ATG7: variants seen among roughly 807,000 people sequenced by gnomAD.
ATG7 encodes ubiquitin-like modifier-activating enzyme ATG7.
Under a neutral mutation model 82.4 loss-of-function variants are expected in ATG7, and 70 were observed. That is an observed-to-expected ratio of 0.85 (90% confidence interval 0.70 to 1.04). The LOEUF (loss-of-function observed/expected upper bound fraction) is 1.04, where lower values mean the gene tolerates loss of function less well. Ranked by LOEUF, ATG7 falls within the 50% of genes least tolerant of loss-of-function variation. The probability of loss-of-function intolerance (pLI) is 0.00; values close to 1 mark genes in which losing one functional copy is unlikely to be tolerated. For synonymous variants in ATG7, 287 were observed against 313.0 expected, an observed-to-expected ratio of 0.92 and a Z score of 0.88; for missense variants, 792 against 864.3, an observed-to-expected ratio of 0.92 and a Z score of 1.05.
Position 11,439,364 on chromosome 3 carries a change from G to A in ATG7, c.2079+12438G>A, listed in dbSNP as rs145214602. On this transcript the variant is annotated intron_variant, in intron 20 of 20. Coordinates refer to ENST00000693202, the MANE Select transcript of ATG7 (RefSeq NM_001349232.2). ...GATTACAGGTGTGAGCCACTGCACC[G>A]GGCCTGAGCTCTTAGTCTTGATCCA... 3.9e-5 allele frequency among the ~76,000 whole-genome samples: 6 copies of A among 152,146 alleles called. No homozygotes were observed. In the East Asian group the frequency reaches 1.2e-3, roughly 29 times the overall value.
At chr3:11,545,078 C>G (rs2071161448) in intron 20 of ATG7, among the ~76,000 whole-genome samples, 1 of 152,274 alleles carries the variant, frequency 6.6e-6, no homozygotes, top group East Asian at 1.9e-4. Context: ...GCCAAAGAAG[C>G]CTGTGAAAAG....
Position 11,501,752 on chromosome 3 carries a change from C to T in ATG7, c.2080-53059C>T, listed in dbSNP as rs184779941. 3.7e-3 allele frequency among the ~76,000 whole-genome samples: 561 copies of T among 152,176 alleles called. 2 individuals carry two copies. The highest frequency in any genetic ancestry group is 0.013 in the African/African-American group (532 of 41,512). ...TTGCCCAGGCTGGAGTGCAGTGGTG[C>T]GATTGTGGCTCACTGCAGCCTTCGC... is the stretch of plus-strand genomic sequence containing the variant. On this transcript the variant is annotated intron_variant, in intron 20 of 20. Transcript: ENST00000693202.
intron 20 of ATG7, among the ~76,000 whole-genome samples, chr3:11,539,199 T>C (rs2070616532): frequency 6.6e-6 from 1 of 152,196 alleles, no homozygotes; most frequent in Admixed American, 6.5e-5. Context: ...GAGCACTTTA[T>C]GCCCACTAAC....
intron 5 of ATG7, among the ~76,000 whole-genome samples, chr3:11,304,329 C>A (rs572341895): frequency 7.2e-5 from 11 of 152,288 alleles, no homozygotes; most frequent in Admixed American, 2.6e-4. Flanking sequence ...TACAAGCGGT[C>A]TAAGCGCATG....
At chr3:11,570,978 C>T in the ATG7 span, among the ~76,000 whole-genome samples, 1 of 152,130 alleles carries the variant, frequency 6.6e-6, no homozygotes, top group African/African-American at 2.4e-5. Flanking sequence ...CTCCTCTGTG[C>T]CAATTTTAGA....
chr3:11,318,319 C>G (rs1010555146), intron 9 of ATG7, among the ~76,000 whole-genome samples: 1 of 152,210 alleles, frequency 6.6e-6, no homozygotes, highest in Non-Finnish European at 1.5e-5. Flanking sequence ...TGTTCTCACA[C>G]CACCTAAGGT....
At chr3:11,571,312 T>C in the ATG7 span, among the ~76,000 whole-genome samples, 1 of 152,028 alleles carries the variant, frequency 6.6e-6, no homozygotes, top group Non-Finnish European at 1.5e-5. Flanking sequence ...GTCAAGGGAA[T>C]GAAACCCGAG....
intron 3 of ATG7, among the ~76,000 whole-genome samples, chr3:11,285,405 G>A (rs896855202): frequency 6.6e-6 from 1 of 150,896 alleles, no homozygotes; most frequent in African/African-American, 2.4e-5. Context: ...TGAACTCCTG[G>A]GCTCAAGCAG....
intron 18 of ATG7, among the ~76,000 whole-genome samples, chr3:11,366,218 CAAAA>C (rs1296231136): frequency 1.2e-4 from 7 of 60,644 alleles, no homozygotes; most frequent in Non-Finnish European, 2.5e-4. Context: ...GACTCCATCT[CAAAA>C]AAAAAAAAAA....
At chr3:11,448,247 C>T (rs2084768517) in intron 20 of ATG7, among the ~76,000 whole-genome samples, 1 of 152,214 alleles carries the variant, frequency 6.6e-6, no homozygotes. Context: ...AGCACAGTGC[C>T]TCCTCCTTTC....
At chr3:11,491,440 G>A (rs1368145747) in intron 20 of ATG7, among the ~76,000 whole-genome samples, 2 of 152,158 alleles carry the variant, frequency 1.3e-5, no homozygotes, top group African/African-American at 4.8e-5. Context: ...GCTCAGAGTA[G>A]TTTGATCGTC....
chr3:11,327,517 G>A (rs1011798960), intron 9 of ATG7, among the ~76,000 whole-genome samples: 2 of 152,208 alleles, frequency 1.3e-5, no homozygotes, highest in African/African-American at 4.8e-5. Flanking sequence ...TGTTGTGCAA[G>A]TTCATCAAGC....
At chr3:11,547,204 T>C (rs1575282647) in intron 20 of ATG7, among the ~76,000 whole-genome samples, 1 of 152,236 alleles carries the variant, frequency 6.6e-6, no homozygotes, top group South Asian at 2.1e-4. Context: ...AAAAGGCCTC[T>C]TCCTTCGCCC....
At chr3:11,324,974 A>G (rs963146656) in intron 9 of ATG7, among the ~76,000 whole-genome samples, 2 of 152,228 alleles carry the variant, frequency 1.3e-5, no homozygotes, top group Non-Finnish European at 2.9e-5. Context: ...CCATAAGATT[A>G]TAATACTGTA....
At chr3:11,441,314 G>A (rs1199492196) in intron 20 of ATG7, among the ~76,000 whole-genome samples, 1 of 152,094 alleles carries the variant, frequency 6.6e-6, no homozygotes, top group East Asian at 1.9e-4. Flanking sequence ...CATGATCTCA[G>A]CTTACTGAAA....
chr3:11,547,905 G>A (rs543436370), intron 20 of ATG7, among the ~76,000 whole-genome samples: 1 of 152,196 alleles, frequency 6.6e-6, no homozygotes, highest in Admixed American at 6.5e-5. Flanking sequence ...TAAGTGGCAT[G>A]GTCATGGCTC....
At chr3:11,574,785 A>ATGTATGTGTGTGTGTG in the ATG7 span, among the ~76,000 whole-genome samples, 60 of 121,774 alleles carry the variant, frequency 4.9e-4, no homozygotes, top group African/African-American at 1.8e-3. Flanking sequence ...TCAACTATAT[A>ATGTATGTGTGTGTGTG]TGTGTGTGTG....
chr3:11,524,787 T>A (rs940862429), intron 20 of ATG7, among the ~76,000 whole-genome samples: 2 of 151,634 alleles, frequency 1.3e-5, no homozygotes, highest in Non-Finnish European at 2.9e-5. Flanking sequence ...ACCCTGTCAT[T>A]TAAAACAAAA....
chr3:11,558,304 C>T, downstream of ATG7: 1 of 597,084 alleles, frequency 1.7e-6, no homozygotes, highest in Non-Finnish European at 2.8e-6. Context: ...GTAACTGAGG[C>T]AGGAAGTAAG....
Sources: gnomAD v4.1 joint callset for allele counts (sites outside exome capture counted in the v4.1 genomes callset) on GRCh38, gnomAD v4.1.1 for gene constraint, MANE v1.5 for transcripts, NCBI Gene and HGNC (gene_info 2026-07-23, HGNC 2026-07-21) for gene names.